Variants in FGF10 observed in about 807,000 individuals in gnomAD.
The protein encoded by FGF10 is FGF-10.
Under a neutral mutation model 19.8 loss-of-function variants are expected in FGF10, and 2 were observed. That is an observed-to-expected ratio of 0.10 (90% CI 0.04 to 0.32). FGF10 has a LOEUF of 0.32. Among genes scored for constraint, FGF10 ranks in the 10% least tolerant of loss-of-function variants. The probability of loss-of-function intolerance (pLI) is 1.00; values close to 1 mark genes in which losing one functional copy is unlikely to be tolerated. For synonymous variants in FGF10, 112 were observed against 94.0 expected (o/e 1.19, Z -1.10); for missense variants, 191 against 246.3 (o/e 0.78, Z 1.50).
chr5:44,367,858 A>G (rs953495513), intron 1 of FGF10, among the ~76,000 whole-genome samples: 1 of 148,152 alleles, frequency 6.7e-6, no homozygotes, highest in African/African-American at 2.5e-5. Context: ...TTTTTTTTTT[A>G]AGTCTATCTG....
At chr5:44,348,150 C>T (rs1489331051) in intron 1 of FGF10, among the ~76,000 whole-genome samples, 2 of 151,632 alleles carry the variant, frequency 1.3e-5, no homozygotes, top group African/African-American at 2.4e-5. Flanking sequence ...GTTAATAAGG[C>T]ACAAGTAGAC....
chr5:44,389,042 A>G lies in FGF10; in HGVS notation c.-360T>C. 1 of 371,150 alleles carries G rather than the reference A, an allele frequency of 2.7e-6. No individual in the cohort carries two copies. Among genetic ancestry groups the G allele is most frequent in the Non-Finnish European group, 5.2e-6 (1 of 193,990 alleles). 23.0% of individuals were successfully genotyped at this position (371,150 alleles called of 1,614,324 possible). ...TCTTTACTCCTTTCTTCACCATGTT[A>G]GATGCCAAAAAGGTCTGAAAAACAG... On this transcript the variant is annotated 5_prime_UTR_variant, in exon 1 of 3. Transcript: ENST00000264664.
chr5:44,313,588 GTT>G lies in FGF10; in HGVS notation c.326-3060_326-3059del, dbSNP rs11324688. On this transcript the variant is annotated intron_variant, in intron 1 of 2. Transcript: ENST00000264664. Reference sequence around the variant, plus strand: ...TTAACATTAAAAGCTATAAAAAAAGGTTTTTTTTTTTTTAACTCAAAGAAACA... The same window carrying G: ...TTAACATTAAAAGCTATAAAAAAAGGTTTTTTTTTTTAACTCAAAGAAACA... Among the ~76,000 whole-genome samples the G allele has an allele frequency of 8.0e-4, 117 of 146,820 alleles. 1 individual carries two copies. Among genetic ancestry groups the G allele is most frequent in the African/African-American group, 2.7e-3 (111 of 40,384 alleles).
At chr5:44,384,381 A>C (rs1329174783) in intron 1 of FGF10, among the ~76,000 whole-genome samples, 1 of 152,188 alleles carries the variant, frequency 6.6e-6, no homozygotes, top group Admixed American at 6.5e-5. Flanking sequence ...CTTGTCTGAT[A>C]TCATGTGGCC....
intron 1 of FGF10, among the ~76,000 whole-genome samples, chr5:44,378,574 GGCGCCC>G (rs1177073125): frequency 1.8e-4 from 27 of 152,116 alleles, no homozygotes; most frequent in African/African-American, 6.5e-4. Flanking sequence ...TGGGACCACA[GGCGCCC>G]GCCACCGCGC....
Position 44,300,736 on chromosome 5 carries a change from T to G in FGF10, c.*4259A>C, listed in dbSNP as rs2111651265. 6.6e-6 allele frequency among the ~76,000 whole-genome samples: 1 copy of G among 152,178 alleles called. No homozygotes were observed. The highest frequency in any genetic ancestry group is 2.4e-5 in the African/African-American group (1 of 41,540). ...CTGCTGTCTCCTTGGTGTACTCTTC[T>G]TCACTAGTTGCGGTTGTGTGGGCTG... is the stretch of plus-strand genomic sequence containing the variant. On this transcript the variant is annotated 3_prime_UTR_variant, in exon 3 of 3. Coordinates refer to ENST00000264664, the MANE Select transcript of FGF10 (RefSeq NM_004465.2).
chr5:44,333,678 C>A (rs1740787190), intron 1 of FGF10, among the ~76,000 whole-genome samples: 1 of 152,076 alleles, frequency 6.6e-6, no homozygotes. Flanking sequence ...TGTTGCATTT[C>A]ATTGATTTTC....
chr5:44,329,135 A>T (rs1262572699), intron 1 of FGF10, among the ~76,000 whole-genome samples: 1 of 152,164 alleles, frequency 6.6e-6, no homozygotes, highest in Non-Finnish European at 1.5e-5. Context: ...AAATAGGTGC[A>T]TTTCATTGAT....
intron 1 of FGF10, among the ~76,000 whole-genome samples, chr5:44,370,876 G>A (rs527997324): frequency 1.3e-5 from 2 of 149,088 alleles, no homozygotes; most frequent in African/African-American, 4.9e-5. Flanking sequence ...AGATGTGAGA[G>A]GCTTAAAGGT....
Position 44,306,269 on chromosome 5 carries a change from C to A in FGF10, c.430-1077G>T, listed in dbSNP as rs189825573. Among the ~76,000 whole-genome samples the A allele has an allele frequency of 3.3e-5, 5 of 152,018 alleles. No homozygotes were observed. The South Asian group carries it at 1.0e-3, about 32-fold the overall frequency. ...AAAATTAGCCAGGCGTATTGGTGGG[C>A]GCCTGTAATCTCAGCTACTCGGCAG... On this transcript the variant is annotated intron_variant, in intron 2 of 2. Coordinates refer to ENST00000264664, the MANE Select transcript of FGF10 (RefSeq NM_004465.2).
chr5:44,366,747 G>T lies in FGF10; in HGVS notation c.325+21611C>A, dbSNP rs339498. 3.3e-5 allele frequency among the ~76,000 whole-genome samples: 5 copies of T among 151,950 alleles called. No homozygotes were observed. In the East Asian group the frequency reaches 9.7e-4, roughly 30 times the overall value. On this transcript the variant is annotated intron_variant, in intron 1 of 2. Coordinates refer to ENST00000264664, the MANE Select transcript of FGF10 (RefSeq NM_004465.2). ...TTGGTTGAAATTCATTGGAAAAAGC[G>T]TTTGCTAAGATGGGGATTTTATTTG...
chr5:44,385,557 C>T (rs764206660), intron 1 of FGF10, among the ~76,000 whole-genome samples: 12 of 152,074 alleles, frequency 7.9e-5, no homozygotes, highest in Non-Finnish European at 1.6e-4. Context: ...GAAAATTAAT[C>T]TTCAAATAAG....
intron 1 of FGF10, among the ~76,000 whole-genome samples, chr5:44,330,960 T>G (rs1740722893): frequency 6.6e-6 from 1 of 152,152 alleles, no homozygotes; most frequent in South Asian, 2.1e-4. Flanking sequence ...GTAATTTGCA[T>G]TCATATTCTT....
intron 1 of FGF10, among the ~76,000 whole-genome samples, 153 bp downstream of exon 1, chr5:44,388,205 G>T (rs897973337): frequency 6.6e-6 from 1 of 151,966 alleles, no homozygotes; most frequent in African/African-American, 2.4e-5. Flanking sequence ...ACGGGGGTTG[G>T]GGGGTGAATT....
chr5:44,327,670 T>A (rs1196235022), intron 1 of FGF10, among the ~76,000 whole-genome samples: 1 of 152,182 alleles, frequency 6.6e-6, no homozygotes. Context: ...ATATCCTATC[T>A]TTCTTCCTCT....
intron 1 of FGF10, among the ~76,000 whole-genome samples, chr5:44,351,881 T>C (rs1741241219): frequency 6.6e-6 from 1 of 151,680 alleles, no homozygotes; most frequent in Non-Finnish European, 1.5e-5. Context: ...TAGAGTTAAA[T>C]ATTTACTGAT....
chr5:44,359,584 A>C, intron 1 of FGF10, among the ~76,000 whole-genome samples: 1 of 151,596 alleles, frequency 6.6e-6, no homozygotes, highest in Non-Finnish European at 1.5e-5. Context: ...TAGTGGGGTA[A>C]CTTCAGTAAA....
chr5:44,388,916 A>C lies in FGF10; in HGVS notation c.-234T>G. On this transcript the variant is annotated 5_prime_UTR_variant, in exon 1 of 3. Coordinates refer to ENST00000264664, the MANE Select transcript of FGF10 (RefSeq NM_004465.2). ...GCCTACGCCTCTGGAGCCTCCCGGT[A>C]AATGGTGGACGTGGGTGGCCGCAGC... 3.4e-6 allele frequency: 2 copies of C among 592,444 alleles called. No individual in the cohort carries two copies. The highest frequency in any genetic ancestry group is 3.9e-5 in the South Asian group (2 of 51,846). The allele number at this position is 592,444 out of a possible 1,614,324, so 36.7% of individuals were successfully genotyped here.
intron 1 of FGF10, among the ~76,000 whole-genome samples, chr5:44,321,842 A>G (rs1022430217): frequency 6.6e-6 from 1 of 151,928 alleles, no homozygotes; most frequent in African/African-American, 2.4e-5. Context: ...GTTCACCACA[A>G]CCTCTGCCTC....
Sources: gnomAD v4.1 joint callset for allele counts (sites outside exome capture counted in the v4.1 genomes callset) on GRCh38, gnomAD v4.1.1 for gene constraint, MANE v1.5 for transcripts, NCBI Gene and HGNC (gene_info 2026-07-23, HGNC 2026-07-21) for gene names.